Variants in PCDHA8 observed in about 807,000 individuals in gnomAD.
The protein encoded by PCDHA8 is protocadherin alpha-8.
In PCDHA8, 53 loss-of-function variants were observed where a neutral mutation model predicts 61.8. The observed-to-expected ratio is 0.86, with a 90% CI of 0.69 to 1.08. PCDHA8 has a LOEUF of 1.08. Ranked by LOEUF, PCDHA8 falls within the 50% of genes least tolerant of loss-of-function variation. The pLI is 0.00. For missense variants in PCDHA8, 1,293 were observed against 1,245.0 expected (o/e 1.04, Z -0.58); for synonymous variants, 618 against 556.6 (o/e 1.11, Z -1.55).
chr5:141,000,279 G>A (rs528257063), intron 3 of PCDHA8, among the ~76,000 whole-genome samples: 60 of 151,092 alleles, frequency 4.0e-4, no homozygotes, highest in Middle Eastern at 3.4e-3. Context: ...GGAGGCAGAG[G>A]TGGGAATATT....
At chr5:140,850,781 G>C (rs2150498025) in intron 1 of PCDHA8, 2 of 1,598,096 alleles carry the variant, frequency 1.3e-6, no homozygotes, top group African/African-American at 2.7e-5. Context: ...GCTCTGGCGA[G>C]GGTAAGCAGA....
intron 1 of PCDHA8, among the ~76,000 whole-genome samples, chr5:140,936,341 A>G (rs954946684): frequency 7.2e-5 from 11 of 152,172 alleles, no homozygotes; most frequent in African/African-American, 2.7e-4. Flanking sequence ...CTCTATCTGC[A>G]TATATGGAAT....
At chr5:140,988,093 G>C (rs17119334) in intron 3 of PCDHA8, among the ~76,000 whole-genome samples, 1 of 152,036 alleles carries the variant, frequency 6.6e-6, no homozygotes, top group Non-Finnish European at 1.5e-5. Flanking sequence ...GTGCAGCCTC[G>C]GGCCTTGTTG....
At chr5:141,003,324 C>T (rs909788744) in intron 3 of PCDHA8, among the ~76,000 whole-genome samples, 4 of 152,132 alleles carry the variant, frequency 2.6e-5, no homozygotes, top group African/African-American at 9.7e-5. Flanking sequence ...TTCCAGAGGG[C>T]AGGGTTTTTT....
intron 3 of PCDHA8, among the ~76,000 whole-genome samples, chr5:140,993,295 C>G (rs553867145): frequency 3.3e-5 from 5 of 152,090 alleles, no homozygotes; most frequent in African/African-American, 9.7e-5. Flanking sequence ...GGGTCACAAC[C>G]TTGCCTCCAG....
At chr5:141,002,733 G>T (rs556024108) in intron 3 of PCDHA8, among the ~76,000 whole-genome samples, 1 of 152,314 alleles carries the variant, frequency 6.6e-6, no homozygotes, top group Admixed American at 6.5e-5. Context: ...CACAGTAAAT[G>T]TTAACTACAT....
At chr5:140,876,607 T>C in intron 1 of PCDHA8, 1 of 1,614,186 alleles carries the variant, frequency 6.2e-7, no homozygotes, top group Non-Finnish European at 8.5e-7. Flanking sequence ...GGATCGTGAC[T>C]CTGGAGCCAA....
At position 140,931,063 on chromosome 5, in the gene PCDHA8, A is replaced by C. The variant is rs1584700470; in HGVS notation, c.2395-47886A>C. Among the ~76,000 whole-genome samples, 4 of 152,202 alleles carry C rather than the reference A, an allele frequency of 2.6e-5. No individual in the cohort carries two copies. In the South Asian group the frequency reaches 8.3e-4, roughly 31 times the overall value. On this transcript the variant is annotated intron_variant, in intron 1 of 3. Coordinates refer to ENST00000531613, the MANE Select transcript of PCDHA8 (RefSeq NM_018911.3). ...GAAAAACTTCAATGCTGTGTCTGGGACTAAGTATGAGTCCAGTTCTACAGA... is the reference window on the plus strand; with the variant it reads ...GAAAAACTTCAATGCTGTGTCTGGGCCTAAGTATGAGTCCAGTTCTACAGA...
intron 3 of PCDHA8, among the ~76,000 whole-genome samples, chr5:140,985,361 G>T (rs1453706797): frequency 1.3e-5 from 2 of 152,132 alleles, no homozygotes; most frequent in Non-Finnish European, 2.9e-5. Flanking sequence ...GACCCTCTGA[G>T]GTTATCTGGG....
At chr5:140,977,023 G>T (rs1554238168) in intron 1 of PCDHA8, among the ~76,000 whole-genome samples, 1 of 152,148 alleles carries the variant, frequency 6.6e-6, no homozygotes, top group Non-Finnish European at 1.5e-5. Flanking sequence ...TCTGTCAAAT[G>T]AATCTAAGAA....
At chr5:140,848,920 T>A (rs1554142573) in intron 1 of PCDHA8, 1 of 1,607,752 alleles carries the variant, frequency 6.2e-7, no homozygotes, top group East Asian at 2.2e-5. Flanking sequence ...AATCTGTTCA[T>A]CGCGGAATCC....
intron 1 of PCDHA8, chr5:140,928,860 G>A: frequency 1.2e-6 from 2 of 1,614,154 alleles, no homozygotes; most frequent in Non-Finnish European, 1.7e-6. Flanking sequence ...GTGTGCTGTT[G>A]AGCAACTCTG....
At chr5:140,957,781 TTCA>T (rs2095383587) in intron 1 of PCDHA8, among the ~76,000 whole-genome samples, 1 of 152,072 alleles carries the variant, frequency 6.6e-6, no homozygotes, top group African/African-American at 2.4e-5. Context: ...AAAAACTAAG[TTCA>T]TCATATATGT....
intron 1 of PCDHA8, chr5:140,882,355 C>T: frequency 6.2e-7 from 1 of 1,614,166 alleles, no homozygotes; most frequent in African/African-American, 1.3e-5. Context: ...CGGGTAGTGG[C>T]CAGCTCCACT....
intron 1 of PCDHA8, chr5:140,849,720 C>T (rs1184011333): frequency 1.3e-6 from 2 of 1,598,576 alleles, no homozygotes; most frequent in Admixed American, 1.7e-5. Context: ...CTCGTTGGTG[C>T]TGGACAGAGC....
At chr5:140,910,067 G>A (rs868941459) in intron 1 of PCDHA8, among the ~76,000 whole-genome samples, 11 of 152,312 alleles carry the variant, frequency 7.2e-5, no homozygotes, top group Non-Finnish European at 1.3e-4. Context: ...TTTTAACAGC[G>A]TAAATTGTTG....
In PCDHA8 at chr5:140,955,830, T is replaced by G. The variant is rs564870909; in HGVS notation, c.2395-23119T>G. Among the ~76,000 whole-genome samples, 9 of 152,318 alleles carry G rather than the reference T, an allele frequency of 5.9e-5. No individual in the cohort carries two copies. The South Asian group carries it at 1.9e-3, about 32-fold the overall frequency. Reference sequence around the variant, plus strand: ...TGTCCACTGTGATTTCCTTGAGCAGTGGTTTGTCATTCTCCTTGAAGAGGT... The same window carrying G: ...TGTCCACTGTGATTTCCTTGAGCAGGGGTTTGTCATTCTCCTTGAAGAGGT... On this transcript the variant is annotated intron_variant, in intron 1 of 3. Coordinates refer to ENST00000531613, the MANE Select transcript of PCDHA8 (RefSeq NM_018911.3).
chr5:140,917,030 G>A (rs1220107705), intron 1 of PCDHA8, among the ~76,000 whole-genome samples: 3 of 152,164 alleles, frequency 2.0e-5, no homozygotes, highest in Non-Finnish European at 4.4e-5. Context: ...GCTGCTGGCT[G>A]AGTCCAGCAC....
At chr5:140,884,128 C>A (rs1554181251) in intron 1 of PCDHA8, 1 of 1,613,308 alleles carries the variant, frequency 6.2e-7, no homozygotes, top group Non-Finnish European at 8.5e-7. Flanking sequence ...GCGCGCGCAT[C>A]CCGTTCCGCG....
Sources: allele counts gnomAD v4.1 joint callset (sites outside exome capture counted in the v4.1 genomes callset), GRCh38; gene constraint gnomAD v4.1.1; transcripts MANE v1.5; gene names NCBI Gene and HGNC (gene_info 2026-07-23, HGNC 2026-07-21).